TMOD2: variants seen among roughly 807,000 people sequenced by gnomAD.
The protein encoded by TMOD2 is tropomodulin-2.
TMOD2 carries 22 observed loss-of-function variants against 39.9 expected under a neutral mutation model. The observed-to-expected ratio is 0.55, with a 90% CI of 0.39 to 0.79. TMOD2 has a LOEUF of 0.79. TMOD2 is among the 30% of genes least tolerant of loss of function. The probability of loss-of-function intolerance (pLI) is 0.00; values close to 1 mark genes in which losing one functional copy is unlikely to be tolerated. For missense variants in TMOD2, 386 were observed against 413.3 expected (o/e 0.93, Z 0.57); for synonymous variants, 123 against 146.1 (o/e 0.84, Z 1.14).
chr15:51,803,184 T>TC (rs11393127), intron 8 of TMOD2, among the ~76,000 whole-genome samples: 46,460 of 139,518 alleles, frequency 0.33, 7,161 homozygotes, highest in Middle Eastern at 0.42. Flanking sequence ...TTTTTTTTTT[T>TC]TTTTTTTCTT....
rs1490745254 is a variant in TMOD2 at position 51,813,691 on chromosome 15, A to G, written c.*5237A>G. 1.3e-5 allele frequency: 2 copies of G among 152,156 alleles called. No homozygotes were observed. The highest frequency in any genetic ancestry group is 2.9e-5 in the Non-Finnish European group (2 of 68,026). The allele number at this position is 152,156 out of a possible 1,614,324, so 9.4% of individuals were successfully genotyped here. On this transcript the variant is annotated 3_prime_UTR_variant, in exon 10 of 10. Coordinates refer to ENST00000249700, the MANE Select transcript of TMOD2 (RefSeq NM_014548.4). Reference sequence around the variant, plus strand: ...TGGCTCCACACTTCCTTAGCTGGGTAACTTTGGGCAAACCGCTTGGTCTCT... The same window carrying G: ...TGGCTCCACACTTCCTTAGCTGGGTGACTTTGGGCAAACCGCTTGGTCTCT...
At chr15:51,773,012 T>C (rs1226955547) in intron 3 of TMOD2, among the ~76,000 whole-genome samples, 1 of 152,182 alleles carries the variant, frequency 6.6e-6, no homozygotes, top group Non-Finnish European at 1.5e-5. Context: ...ATTCTTGGAC[T>C]TCCAAGAGTT....
chr15:51,805,718 A>T (rs1245159178), intron 8 of TMOD2, among the ~76,000 whole-genome samples: 1 of 152,228 alleles, frequency 6.6e-6, no homozygotes, highest in Non-Finnish European at 1.5e-5. Flanking sequence ...ATTATTATGC[A>T]TTGTATGCCT....
chr15:51,789,251 AAG>A (rs1735915021), intron 7 of TMOD2, among the ~76,000 whole-genome samples: 1 of 152,242 alleles, frequency 6.6e-6, no homozygotes, highest in African/African-American at 2.4e-5. Flanking sequence ...CAAAGATCAA[AAG>A]AGACAAAGAA....
intron 7 of TMOD2, among the ~76,000 whole-genome samples, chr15:51,791,192 A>G (rs2056009261): frequency 6.6e-6 from 1 of 152,140 alleles, no homozygotes; most frequent in South Asian, 2.1e-4. Flanking sequence ...AAAATCACAA[A>G]CATTTCTATA....
At chr15:51,774,743 G>A (rs564893364) in intron 4 of TMOD2, among the ~76,000 whole-genome samples, 2 of 152,196 alleles carry the variant, frequency 1.3e-5, no homozygotes, top group African/African-American at 4.8e-5. Context: ...GCACCCACTG[G>A]TCTTAGCCCT....
intron 3 of TMOD2, among the ~76,000 whole-genome samples, chr15:51,772,617 A>G (rs1439515541): frequency 6.6e-6 from 1 of 152,212 alleles, no homozygotes; most frequent in African/African-American, 2.4e-5. Context: ...CAGAGGATGC[A>G]TCTGTGGGAA....
At chr15:51,777,375 G>A (rs929916890) in intron 5 of TMOD2, among the ~76,000 whole-genome samples, 2 of 152,144 alleles carry the variant, frequency 1.3e-5, no homozygotes, top group African/African-American at 4.8e-5. Context: ...ATGTTCCTGA[G>A]GATGTTTTAA....
intron 4 of TMOD2, 109 bp from the exon 5 acceptor site, chr15:51,776,821 CAG>C (rs2055892330): frequency 3.5e-6 from 3 of 861,606 alleles, no homozygotes; most frequent in African/African-American, 1.7e-5. Context: ...AAAGAGGACT[CAG>C]GGACTTATCT....
At chr15:51,801,646 C>T (rs148533464) in intron 8 of TMOD2, among the ~76,000 whole-genome samples, 1 of 152,172 alleles carries the variant, frequency 6.6e-6, no homozygotes, top group African/African-American at 2.4e-5. Flanking sequence ...TAATCAGGTG[C>T]CCCCATGGGA....
intron 7 of TMOD2, among the ~76,000 whole-genome samples, chr15:51,792,454 G>A (rs1272011784): frequency 6.6e-6 from 1 of 152,158 alleles, no homozygotes; most frequent in Non-Finnish European, 1.5e-5. Flanking sequence ...AGACAGTGTG[G>A]CAATTCCTGA....
At position 51,782,752 on chromosome 15, in the gene TMOD2, C is replaced by T; in HGVS notation, c.656C>T (p.Ala219Val). 8 of 1,614,024 alleles carry T rather than the reference C, an allele frequency of 5.0e-6. No individual in the cohort carries two copies. The highest frequency in any genetic ancestry group is 6.8e-6 in the Non-Finnish European group (8 of 1,179,886). ...NIPIPTLREFAKALETNTHVK... is the reference protein window; with the variant it reads ...NIPIPTLREFVKALETNTHVK... ...CCAATTCCAACCCTGAGGGAATTTG[C>T]AAAGGCTCTGGAGACCAACACTCAC... The change falls in exon 7 of 10, where the codon GCA (alanine) becomes GTA (valine). Residue 219 changes from alanine to valine, a missense_variant. Transcript: ENST00000249700.
At chr15:51,803,945 A>G (rs2056105792) in intron 8 of TMOD2, among the ~76,000 whole-genome samples, 2 of 152,268 alleles carry the variant, frequency 1.3e-5, no homozygotes, top group Admixed American at 1.3e-4. Context: ...TGTATAGACA[A>G]AGATTAAAAA....
intron 7 of TMOD2, among the ~76,000 whole-genome samples, chr15:51,794,674 T>C (rs1384826442): frequency 1.3e-5 from 2 of 152,218 alleles, no homozygotes; most frequent in East Asian, 3.8e-4. Flanking sequence ...TGGGGTAAAT[T>C]TTTTAAAGCT....
chr15:51,789,338 AG>A (rs1469820980), intron 7 of TMOD2, among the ~76,000 whole-genome samples: 2 of 152,226 alleles, frequency 1.3e-5, no homozygotes, highest in African/African-American at 4.8e-5. Context: ...CACCCAATAC[AG>A]GAGCACCCAG....
intron 4 of TMOD2, among the ~76,000 whole-genome samples, chr15:51,774,750 C>T (rs1175487372): frequency 6.6e-6 from 1 of 152,080 alleles, no homozygotes; most frequent in Non-Finnish European, 1.5e-5. Context: ...CTGGTCTTAG[C>T]CCTGGGGTTG....
chr15:51,806,341 T>G, intron 8 of TMOD2, 36 bp from the exon 9 acceptor site: 1 of 1,609,654 alleles, frequency 6.2e-7, no homozygotes, highest in Non-Finnish European at 8.5e-7. Context: ...TCTTCCTTCT[T>G]GGTCATCCTG....
chr15:51,771,508 A>G (rs1462950646), intron 3 of TMOD2, among the ~76,000 whole-genome samples: 1 of 152,196 alleles, frequency 6.6e-6, no homozygotes, highest in African/African-American at 2.4e-5. Context: ...GGAAAGAGGA[A>G]CTTAGAAAAT....
At chr15:51,788,456 A>G (rs1394062784) in intron 7 of TMOD2, among the ~76,000 whole-genome samples, 1 of 152,242 alleles carries the variant, frequency 6.6e-6, no homozygotes, top group Non-Finnish European at 1.5e-5. Context: ...TCTTCAGGAT[A>G]TTATCCAAGA....
Sources: gnomAD v4.1 joint callset for allele counts (sites outside exome capture counted in the v4.1 genomes callset) on GRCh38, gnomAD v4.1.1 for gene constraint, MANE v1.5 for transcripts, NCBI Gene and HGNC (gene_info 2026-07-23, HGNC 2026-07-21) for gene names.